IL2RA: variants seen among roughly 807,000 people sequenced by gnomAD.
IL2RA encodes the protein interleukin 2 receptor subunit alpha.
In IL2RA, 24 loss-of-function variants were observed where a neutral mutation model predicts 37.8. The ratio of observed to expected loss-of-function variants is 0.63; its 90% CI spans 0.46 to 0.89. IL2RA has a LOEUF of 0.89. Among genes scored for constraint, IL2RA ranks in the 40% least tolerant of loss-of-function variants. The pLI is 0.00. For missense variants in IL2RA, 319 were observed against 348.6 expected, an observed-to-expected ratio of 0.92 and a Z score of 0.68; for synonymous variants, 125 against 114.6, an observed-to-expected ratio of 1.09 and a Z score of -0.58.
rs1468064443 is a variant in IL2RA at position 6,035,637 on chromosome 10, C to T, written c.65-9612G>A. 1.3e-5 allele frequency among the ~76,000 whole-genome samples: 2 copies of T among 152,160 alleles called. No homozygotes were observed. Among genetic ancestry groups the T allele is most frequent in the East Asian group, 1.9e-4 (1 of 5,190 alleles). ...AACCACGGGCTCTGCGGTGATGTGG[C>T]CTTCCTCTTTAGTTTTTGTGCCTTT... On this transcript the variant is annotated intron_variant, in intron 1 of 7. Transcript: ENST00000379959. This position sits in a 1 kb window ranked among gnomAD's most constrained non-coding sequence, Gnocchi z 5.4.
Position 6,015,827 on chromosome 10 carries a change from A to ATT in IL2RA, c.794+2225_794+2226insAA, listed in dbSNP as rs1345833326. The stretch of plus-strand genomic sequence containing the variant: ...ATTAGATACATCTGAGGGGCTTTAA[A>ATT]ACGTACGACTATCCCAGACATAAAA... On this transcript the variant is annotated intron_variant, in intron 7 of 7. Transcript: ENST00000379959. The surrounding 1 kb of genome is among the most constrained non-coding windows in gnomAD (Gnocchi z 4.9). Among the ~76,000 whole-genome samples the ATT allele has an allele frequency of 2.0e-5, 3 of 152,186 alleles. No individual in the cohort carries two copies. Among genetic ancestry groups the ATT allele is most frequent in the African/African-American group, 7.2e-5 (3 of 41,450 alleles).
intron 1 of IL2RA, among the ~76,000 whole-genome samples, chr10:6,061,617 C>A (rs577786475): frequency 6.6e-6 from 1 of 152,234 alleles, no homozygotes; most frequent in South Asian, 2.1e-4. Context: ...TGAAGCTAAA[C>A]TTTTCTGAGA....
In IL2RA at chr10:6,028,506, C is replaced by T. The variant is rs1296457645; in HGVS notation, c.65-2481G>A. ...GCCCTTACAAAGATTAAAACCAAGC[C>T]TAATAGACAAGAGGATGCGCTAGTC... On this transcript the variant is annotated intron_variant, in intron 1 of 7. Coordinates refer to ENST00000379959, the MANE Select transcript of IL2RA (RefSeq NM_000417.3). The surrounding 1 kb of genome is among the most constrained non-coding windows in gnomAD (Gnocchi z 4.1). Among the ~76,000 whole-genome samples, 1 of 152,082 alleles carries T rather than the reference C, an allele frequency of 6.6e-6. No homozygotes were observed.
At chr10:6,038,083 A>G (rs772503993) in intron 1 of IL2RA, among the ~76,000 whole-genome samples, 1 of 152,186 alleles carries the variant, frequency 6.6e-6, no homozygotes, top group African/African-American at 2.4e-5. Flanking sequence ...ATTTAGGCCA[A>G]CCTCTACATT....
intron 1 of IL2RA, among the ~76,000 whole-genome samples, chr10:6,037,434 C>G (rs1189858835): frequency 1.3e-5 from 2 of 152,162 alleles, no homozygotes; most frequent in African/African-American, 2.4e-5. Context: ...CCAGCCAGCC[C>G]TGGATAAAGG....
Position 6,028,429 on chromosome 10 carries a change from G to C in IL2RA, c.65-2404C>G, listed in dbSNP as rs1240636907. Among the ~76,000 whole-genome samples, 1 of 152,140 alleles carries C rather than the reference G, an allele frequency of 6.6e-6. No homozygotes were observed. Among genetic ancestry groups the C allele is most frequent in the African/African-American group, 2.4e-5 (1 of 41,424 alleles). ...CTGTGGGTTGTAGTTTTCCAATCCTGCTTTAGAGAAAGAGGCATCCCTAGG... is the reference window on the plus strand; with the variant it reads ...CTGTGGGTTGTAGTTTTCCAATCCTCCTTTAGAGAAAGAGGCATCCCTAGG... On this transcript the variant is annotated intron_variant, in intron 1 of 7. Transcript: ENST00000379959. The surrounding 1 kb of genome is among the most constrained non-coding windows in gnomAD (Gnocchi z 4.1).
In IL2RA at chr10:6,029,987, G is replaced by A; in HGVS notation, c.65-3962C>T. On this transcript the variant is annotated intron_variant, in intron 1 of 7. Coordinates refer to ENST00000379959, the MANE Select transcript of IL2RA (RefSeq NM_000417.3). The surrounding 1 kb of genome is among the most constrained non-coding windows in gnomAD (Gnocchi z 4.6). Reference sequence around the variant, plus strand: ...CCCAAAGTGCTGGGATTACAGGTGTGAGCCACCGTGCCCAGCCAATATTTT... The same window carrying A: ...CCCAAAGTGCTGGGATTACAGGTGTAAGCCACCGTGCCCAGCCAATATTTT... Among the ~76,000 whole-genome samples the A allele has an allele frequency of 6.6e-6, 1 of 152,160 alleles. No homozygotes were observed. The highest frequency in any genetic ancestry group is 1.5e-5 in the Non-Finnish European group (1 of 68,016).
At chr10:6,060,476 G>A (rs1239265701) in intron 1 of IL2RA, among the ~76,000 whole-genome samples, 5 of 152,174 alleles carry the variant, frequency 3.3e-5, no homozygotes, top group Non-Finnish European at 5.9e-5. Context: ...AAACACATAG[G>A]TCAGGCGCGA....
At position 6,020,066 on chromosome 10, in the gene IL2RA, A is replaced by C; in HGVS notation, c.584-125T>G. The stretch of plus-strand genomic sequence containing the variant: ...AGGAGGCAGGAATCCTGGTGTGGGC[A>C]CTTCGCCAGGGATGCCACCCCTCAT... On this transcript the variant is annotated intron_variant, in intron 4 of 7. Coordinates refer to ENST00000379959, the MANE Select transcript of IL2RA (RefSeq NM_000417.3). This position sits in a 1 kb window ranked among gnomAD's most constrained non-coding sequence, Gnocchi z 5.6. 1 of 767,332 alleles carries C rather than the reference A, an allele frequency of 1.3e-6. No individual in the cohort carries two copies. The highest frequency in any genetic ancestry group is 2.3e-6 in the Non-Finnish European group (1 of 439,800). The allele number at this position is 767,332 out of a possible 1,614,324, so 47.5% of individuals were successfully genotyped here.
Position 6,056,828 on chromosome 10 carries a change from G to A in IL2RA, c.64+5260C>T, listed in dbSNP as rs1441756989. Among the ~76,000 whole-genome samples the A allele has an allele frequency of 1.3e-5, 2 of 152,114 alleles. No individual in the cohort carries two copies. Among genetic ancestry groups the A allele is most frequent in the Non-Finnish European group, 2.9e-5 (2 of 68,010 alleles). On this transcript the variant is annotated intron_variant, in intron 1 of 7. Coordinates refer to ENST00000379959, the MANE Select transcript of IL2RA (RefSeq NM_000417.3). This position sits in a 1 kb window ranked among gnomAD's most constrained non-coding sequence, Gnocchi z 5.0. ...AGAAGAGAAACAGGTTCCCACTCAT[G>A]TAAAACTTCTCCCATGGGAGACAAG... is the stretch of plus-strand genomic sequence containing the variant.
rs951526064 is a variant in IL2RA at position 6,048,732 on chromosome 10, CTTCATTCTTCA to C, written c.64+13345_64+13355del. On this transcript the variant is annotated intron_variant, in intron 1 of 7. Coordinates refer to ENST00000379959, the MANE Select transcript of IL2RA (RefSeq NM_000417.3). The surrounding 1 kb of genome is among the most constrained non-coding windows in gnomAD (Gnocchi z 5.3). Reference sequence around the variant, plus strand: ...ATAAACCCAGTGCTTTCTCTTCTTCCTTCATTCTTCACATAAACCCAATGCTGTCTCTCCAA... The same window carrying C: ...ATAAACCCAGTGCTTTCTCTTCTTCCCATAAACCCAATGCTGTCTCTCCAA... 6.6e-5 allele frequency among the ~76,000 whole-genome samples: 10 copies of C among 152,198 alleles called. No homozygotes were observed. The highest frequency in any genetic ancestry group is 1.3e-4 in the Admixed American group (2 of 15,286).
rs777922754 is a variant in IL2RA, at chr10:6,022,383, C to G, written c.368-690G>C. Among the ~76,000 whole-genome samples, 1 of 152,208 alleles carries G rather than the reference C, an allele frequency of 6.6e-6. No individual in the cohort carries two copies. Among genetic ancestry groups the G allele is most frequent in the Non-Finnish European group, 1.5e-5 (1 of 68,044 alleles). On this transcript the variant is annotated intron_variant, in intron 3 of 7. Coordinates refer to ENST00000379959, the MANE Select transcript of IL2RA (RefSeq NM_000417.3). This position sits in a 1 kb window ranked among gnomAD's most constrained non-coding sequence, Gnocchi z 4.7. Reference sequence around the variant, plus strand: ...ACTTTCCACTCACCCAACTACATCCCAGGCCTGACGGACCTGTGGCCTGAG... The same window carrying G: ...ACTTTCCACTCACCCAACTACATCCGAGGCCTGACGGACCTGTGGCCTGAG...
intron 1 of IL2RA, among the ~76,000 whole-genome samples, chr10:6,052,391 A>C (rs1323658): frequency 0.1 from 15,517 of 152,132 alleles, 1,134 homozygotes; most frequent in East Asian, 0.29. Context: ...GCAGAGGTCA[A>C]GGATGGGCTC....
intron 1 of IL2RA, among the ~76,000 whole-genome samples, chr10:6,038,230 G>T (rs28360481): frequency 6.6e-6 from 1 of 152,186 alleles, no homozygotes; most frequent in South Asian, 2.1e-4. Flanking sequence ...AGGAAGGAGC[G>T]TGCTTTTCAC....
In IL2RA at chr10:6,021,181, C is replaced by G. The variant is rs887313897; in HGVS notation, c.583+297G>C. Among the ~76,000 whole-genome samples the G allele has an allele frequency of 6.6e-6, 1 of 152,080 alleles. No individual in the cohort carries two copies. The highest frequency in any genetic ancestry group is 2.1e-4 in the South Asian group (1 of 4,822). On this transcript the variant is annotated intron_variant, in intron 4 of 7. Transcript: ENST00000379959. The surrounding 1 kb of genome is among the most constrained non-coding windows in gnomAD (Gnocchi z 4.9). Reference sequence around the variant, plus strand: ...CTTAGAGAAGTAGTGGACTTAGGACCAACTACGAGGCAGCATCTAGGGTGC... The same window carrying G: ...CTTAGAGAAGTAGTGGACTTAGGACGAACTACGAGGCAGCATCTAGGGTGC...
In IL2RA at chr10:6,054,636, C is replaced by T. The variant is rs1228011137; in HGVS notation, c.64+7452G>A. Reference sequence around the variant, plus strand: ...TGGTCAGCTCACTACTCATGGAACACGGTCCATGTACACGACTCCAGCAGC... The same window carrying T: ...TGGTCAGCTCACTACTCATGGAACATGGTCCATGTACACGACTCCAGCAGC... On this transcript the variant is annotated intron_variant, in intron 1 of 7. Transcript: ENST00000379959. This position sits in a 1 kb window ranked among gnomAD's most constrained non-coding sequence, Gnocchi z 4.5. Among the ~76,000 whole-genome samples, 1 of 152,112 alleles carries T rather than the reference C, an allele frequency of 6.6e-6. No individual in the cohort carries two copies. Among genetic ancestry groups the T allele is most frequent in the African/African-American group, 2.4e-5 (1 of 41,412 alleles).
At chr10:6,053,235 C>G (rs746740934) in intron 1 of IL2RA, among the ~76,000 whole-genome samples, 1 of 152,220 alleles carries the variant, frequency 6.6e-6, no homozygotes, top group Non-Finnish European at 1.5e-5. Context: ...CTAGCCCCTT[C>G]CTCGTTGGGC....
At chr10:6,040,688 T>C (rs925672684) in intron 1 of IL2RA, among the ~76,000 whole-genome samples, 4 of 152,232 alleles carry the variant, frequency 2.6e-5, no homozygotes, top group Non-Finnish European at 5.9e-5. Flanking sequence ...AAGGACTTAA[T>C]GGCATCTTTG....
Position 6,057,925 on chromosome 10 carries a change from A to G in IL2RA, c.64+4163T>C, listed in dbSNP as rs1840071352. 6.6e-6 allele frequency among the ~76,000 whole-genome samples: 1 copy of G among 152,200 alleles called. No homozygotes were observed. Among genetic ancestry groups the G allele is most frequent in the African/African-American group, 2.4e-5 (1 of 41,438 alleles). ...CAGATCACCTGAGGTCAGGAGTTCG[A>G]GACCAGCCTGGCCAACTTGGTGAAA... On this transcript the variant is annotated intron_variant, in intron 1 of 7. Transcript: ENST00000379959. The surrounding 1 kb of genome is among the most constrained non-coding windows in gnomAD (Gnocchi z 4.8).
Sources: gnomAD v4.1 joint callset for allele counts (sites outside exome capture counted in the v4.1 genomes callset) on GRCh38, gnomAD v4.1.1 for gene constraint, Gnocchi (gnomAD v3.1) non-coding constraint, MANE v1.5 for transcripts, NCBI Gene and HGNC (gene_info 2026-07-23, HGNC 2026-07-21) for gene names.